Variants in EDIL3 observed in about 807,000 individuals in gnomAD.
EDIL3 encodes EGF-like repeat and discoidin I-like domain-containing protein 3.
Under a neutral mutation model 67.4 loss-of-function variants are expected in EDIL3, and 37 were observed. That is an observed-to-expected ratio of 0.55 (90% CI 0.42 to 0.72). The LOEUF is 0.72. Among genes scored for constraint, EDIL3 ranks in the 30% least tolerant of loss-of-function variants. The probability of loss-of-function intolerance (pLI) is 0.00; values close to 1 mark genes in which losing one functional copy is unlikely to be tolerated. For missense variants in EDIL3, 527 were observed against 586.3 expected (o/e 0.90, Z 1.04); for synonymous variants, 195 against 196.3 (o/e 0.99, Z 0.05).
intron 3 of EDIL3, among the ~76,000 whole-genome samples, chr5:84,190,220 C>A (rs914549807): frequency 3.3e-5 from 5 of 151,906 alleles, no homozygotes; most frequent in Non-Finnish European, 7.4e-5. Flanking sequence ...TAAATGTAAT[C>A]CAACATAACT....
At chr5:84,214,246 A>AT (rs1210914388) in intron 3 of EDIL3, among the ~76,000 whole-genome samples, 3 of 152,210 alleles carry the variant, frequency 2.0e-5, no homozygotes, top group East Asian at 1.9e-4. Context: ...AATGTAATGG[A>AT]TTTTTTTCTG....
Position 84,177,113 on chromosome 5 carries a change from T to A in EDIL3, c.355+3280A>T, listed in dbSNP as rs546440690. On this transcript the variant is annotated intron_variant, in intron 4 of 10. Transcript: ENST00000296591. ...TATTTGCCCAAATGAGCTGAAAACT[T>A]ATGTCCACACAAAAACCTGCCATGA... Among the ~76,000 whole-genome samples, 29 of 152,238 alleles carry A rather than the reference T, an allele frequency of 1.9e-4. No homozygotes were observed. The South Asian group carries it at 5.6e-3, about 29-fold the overall frequency.
intron 1 of EDIL3, among the ~76,000 whole-genome samples, chr5:84,359,460 T>A (rs939678645): frequency 1.3e-5 from 2 of 152,228 alleles, no homozygotes; most frequent in Non-Finnish European, 2.9e-5. Flanking sequence ...AACAGTTTGG[T>A]CCTCTAATGG....
chr5:84,272,102 G>A (rs1334716452), intron 1 of EDIL3, among the ~76,000 whole-genome samples: 2 of 152,256 alleles, frequency 1.3e-5, no homozygotes, highest in East Asian at 3.9e-4. Flanking sequence ...ACTTAGGTTA[G>A]CCTTCATCGG....
intron 1 of EDIL3, among the ~76,000 whole-genome samples, chr5:84,281,336 G>C (rs1209311598): frequency 6.6e-6 from 1 of 152,144 alleles, no homozygotes; most frequent in Non-Finnish European, 1.5e-5. Flanking sequence ...GTTCTATCAT[G>C]TCTGACATCA....
At chr5:84,050,168 A>C (rs1372697779) in intron 9 of EDIL3, among the ~76,000 whole-genome samples, 1 of 137,566 alleles carries the variant, frequency 7.3e-6, no homozygotes, top group Non-Finnish European at 1.5e-5. Context: ...ACTGCACTCC[A>C]GCCTGGGCGA....
intron 1 of EDIL3, among the ~76,000 whole-genome samples, chr5:84,282,345 T>A (rs1295437145): frequency 6.6e-6 from 1 of 152,192 alleles, no homozygotes; most frequent in African/African-American, 2.4e-5. Context: ...TCTACTTTAC[T>A]CTCTAAATTT....
chr5:84,117,657 A>G (rs578190351), intron 5 of EDIL3, among the ~76,000 whole-genome samples: 122 of 152,104 alleles, frequency 8.0e-4, no homozygotes, highest in Non-Finnish European at 1.4e-3. Context: ...ATTTTGAAAA[A>G]AAAAAAGCCC....
chr5:84,329,188 ATCT>A (rs1746823396), intron 1 of EDIL3, among the ~76,000 whole-genome samples: 1 of 152,098 alleles, frequency 6.6e-6, no homozygotes, highest in Non-Finnish European at 1.5e-5. Flanking sequence ...TACTATTTTC[ATCT>A]TCTATTGCAA....
intron 1 of EDIL3, among the ~76,000 whole-genome samples, chr5:84,335,178 A>G (rs1208571616): frequency 6.6e-6 from 1 of 152,154 alleles, no homozygotes; most frequent in Non-Finnish European, 1.5e-5. Context: ...CTGAACCACC[A>G]TATGTTCAAG....
intron 4 of EDIL3, among the ~76,000 whole-genome samples, chr5:84,156,580 G>A (rs1191910226): frequency 6.6e-6 from 1 of 152,138 alleles, no homozygotes; most frequent in Non-Finnish European, 1.5e-5. Context: ...TTGAGAATAA[G>A]GGGATGCTAA....
chr5:84,196,586 G>C (rs968799643), intron 3 of EDIL3, among the ~76,000 whole-genome samples: 20 of 151,986 alleles, frequency 1.3e-4, no homozygotes, highest in African/African-American at 4.8e-4. Context: ...TGTAATTGAT[G>C]TGAGGACATA....
chr5:84,154,554 T>A (rs1462734632), intron 4 of EDIL3, among the ~76,000 whole-genome samples: 1 of 151,828 alleles, frequency 6.6e-6, no homozygotes, highest in Non-Finnish European at 1.5e-5. Flanking sequence ...TTCATATTTA[T>A]AGTTTTTTTT....
chr5:84,052,312 A>C (rs1371682313), intron 9 of EDIL3, among the ~76,000 whole-genome samples: 11 of 152,192 alleles, frequency 7.2e-5, no homozygotes, highest in African/African-American at 2.4e-4. Context: ...GAAGGAAGCA[A>C]TGAACATGGA....
intron 5 of EDIL3, among the ~76,000 whole-genome samples, chr5:84,127,016 C>T (rs1747880617): frequency 6.6e-6 from 1 of 151,938 alleles, no homozygotes; most frequent in Non-Finnish European, 1.5e-5. Context: ...TTGTGTCTGC[C>T]CAAGTGTACC....
intron 10 of EDIL3, among the ~76,000 whole-genome samples, chr5:83,959,027 A>AGT (rs1744561624): frequency 6.6e-6 from 1 of 151,174 alleles, no homozygotes; most frequent in African/African-American, 2.4e-5. Context: ...GCTAAAAAAC[A>AGT]ATACTAAAGT....
Position 84,377,762 on chromosome 5 carries a change from A to C in EDIL3, c.67+6546T>G, listed in dbSNP as rs540401988. 2.0e-5 allele frequency among the ~76,000 whole-genome samples: 3 copies of C among 152,346 alleles called. No individual in the cohort carries two copies. In the South Asian group the frequency reaches 6.2e-4, roughly 32 times the overall value. ...ATATCATATTAAATTATTTTAAGAG[A>C]TCAATCATTTTGATACAAACCTGTT... On this transcript the variant is annotated intron_variant, in intron 1 of 10. Coordinates refer to ENST00000296591, the MANE Select transcript of EDIL3 (RefSeq NM_005711.5).
intron 9 of EDIL3, among the ~76,000 whole-genome samples, chr5:84,008,449 G>A (rs1300456734): frequency 1.3e-5 from 2 of 151,876 alleles, no homozygotes; most frequent in Non-Finnish European, 1.5e-5. Context: ...AAAAATATTA[G>A]ATGGGAAACA....
At chr5:84,235,116 G>T (rs150748857) in intron 2 of EDIL3, among the ~76,000 whole-genome samples, 68 of 152,228 alleles carry the variant, frequency 4.5e-4, no homozygotes, top group African/African-American at 1.6e-3. Context: ...AGAGGTTTGG[G>T]TTAATTTGGT....
Sources: allele counts gnomAD v4.1 joint callset (sites outside exome capture counted in the v4.1 genomes callset), GRCh38; gene constraint gnomAD v4.1.1; transcripts MANE v1.5; gene names NCBI Gene and HGNC (gene_info 2026-07-23, HGNC 2026-07-21).